Variants in DNAH11 observed in about 807,000 individuals in gnomAD.
DNAH11 encodes the protein axonemal beta dynein heavy chain 11.
A neutral mutation model predicts 526.0 loss-of-function variants in DNAH11; 442 were observed. The ratio of observed to expected loss-of-function variants is 0.84; its 90% CI spans 0.78 to 0.91. The LOEUF is 0.91. DNAH11 is among the 40% of genes least tolerant of loss of function. The probability of loss-of-function intolerance (pLI) is 0.00; values close to 1 mark genes in which losing one functional copy is unlikely to be tolerated. For missense variants in DNAH11, 6,989 were observed against 5,448.7 expected (o/e 1.28, Z -8.90); for synonymous variants, 2,461 against 1,935.9 (o/e 1.27, Z -7.12).
rs1789289993 is a variant in DNAH11, at chr7:21,806,967, T to G, written c.10166-916T>G. Among the ~76,000 whole-genome samples, 4 of 152,220 alleles carry G rather than the reference T, an allele frequency of 2.6e-5. No individual in the cohort carries two copies. In the South Asian group the frequency reaches 6.2e-4, roughly 24 times the overall value. ...TAGCTTCCTCCACTGATTTAATGAT[T>G]ATATTAGAAAACTAACCTGAGTTTA... On this transcript the variant is annotated intron_variant, in intron 62 of 81. Transcript: ENST00000409508.
chr7:21,834,200 G>A (rs1279930116), intron 65 of DNAH11, among the ~76,000 whole-genome samples: 1 of 152,010 alleles, frequency 6.6e-6, no homozygotes, highest in Non-Finnish European at 1.5e-5. Flanking sequence ...AATAACAGGA[G>A]AAACTTTGGA....
chr7:21,586,800 C>T lies in DNAH11; in HGVS notation c.1711-1264C>T, dbSNP rs191329484. ...TCAGAGAAAATACCTATATGACAGG[C>T]TTAATAACTAACATATTATAAAGCC... On this transcript the variant is annotated intron_variant, in intron 9 of 81. Transcript: ENST00000409508. 4.9e-4 allele frequency among the ~76,000 whole-genome samples: 75 copies of T among 152,218 alleles called. 1 individual carries two copies. The highest frequency in any genetic ancestry group is 2.6e-3 in the Admixed American group (40 of 15,296).
At chr7:21,658,660 C>A in intron 29 of DNAH11, 138 bp from the exon 30 acceptor site, 1 of 620,542 alleles carries the variant, frequency 1.6e-6, no homozygotes, top group Non-Finnish European at 2.7e-6. Context: ...TGAGTTATGC[C>A]TCTTGCAGTT....
At chr7:21,594,459 C>T (rs890782214) in intron 14 of DNAH11, among the ~76,000 whole-genome samples, 1 of 152,084 alleles carries the variant, frequency 6.6e-6, no homozygotes, top group Admixed American at 6.5e-5. Flanking sequence ...AGACAATAAG[C>T]AGTGACATAG....
At chr7:21,622,982 C>T in intron 25 of DNAH11, among the ~76,000 whole-genome samples, 1 of 152,160 alleles carries the variant, frequency 6.6e-6, no homozygotes, top group Non-Finnish European at 1.5e-5. Flanking sequence ...TCTAATTAAA[C>T]TGAAGAGCTT....
intron 28 of DNAH11, among the ~76,000 whole-genome samples, chr7:21,648,036 T>C (rs563878879): frequency 2.0e-5 from 3 of 152,270 alleles, no homozygotes; most frequent in East Asian, 1.9e-4. Context: ...CATTAGAAGA[T>C]GGAATGGTAC....
Position 21,617,617 on chromosome 7 carries a change from A to G in DNAH11, c.4096-2A>G, listed in dbSNP as rs1369201943. The G allele has an allele frequency of 6.2e-7, 1 of 1,613,596 alleles. No homozygotes were observed. Among genetic ancestry groups the G allele is most frequent in the African/African-American group, 1.3e-5 (1 of 75,034 alleles). On this transcript the variant is annotated splice_acceptor_variant, in intron 22 of 81. Coordinates refer to ENST00000409508, the MANE Select transcript of DNAH11 (RefSeq NM_001277115.2). LOFTEE classifies it high-confidence loss of function. ...TAGGTTTTTTCCTCCACTTTTCTTT[A>G]GGAAATTTGGTCACTCAACAAGGAA...
At position 21,752,303 on chromosome 7, in the gene DNAH11, C is replaced by T. The variant is rs78039848; in HGVS notation, c.8940+1939C>T. Among the ~76,000 whole-genome samples the T allele has an allele frequency of 1.0e-2, 1,516 of 152,310 alleles. 29 individuals carry two copies. The highest frequency in any genetic ancestry group is 0.034 in the African/African-American group (1,420 of 41,566). On this transcript the variant is annotated intron_variant, in intron 54 of 81. Transcript: ENST00000409508. ...ACATGCCTTCAAATTTTTAGATGCT[C>T]TTCTTACTTACAGGTGACATCTAGA... is the stretch of plus-strand genomic sequence containing the variant.
Position 21,638,958 on chromosome 7 carries a change from G to T in DNAH11, c.4837G>T (p.Ala1613Ser). 3.1e-6 allele frequency: 5 copies of T among 1,610,890 alleles called. No individual in the cohort carries two copies. Among genetic ancestry groups the T allele is most frequent in the South Asian group, 1.1e-5 (1 of 90,162 alleles). ...LQSRLSLCEKALAEYLETKRI... is the reference protein window; with the variant it reads ...LQSRLSLCEKSLAEYLETKRI... ...ATGTAGGCTTTCTCTTTGTGAAAAA[G>T]CTCTCGCTGAATACCTGGAAACCAA... The change falls in exon 28 of 82, where the codon GCT becomes TCT. Residue 1613 changes from alanine (A) to serine (S), a missense_variant. Physicochemically the swap from Ala to Ser is moderately conservative, Grantham distance 99. Transcript: ENST00000409508.
At chr7:21,855,284 G>A (rs1782800179) in intron 68 of DNAH11, among the ~76,000 whole-genome samples, 1 of 152,128 alleles carries the variant, frequency 6.6e-6, no homozygotes. Flanking sequence ...GCCCGCCTCA[G>A]CCTCCCAAAG....
At chr7:21,667,956 C>T (rs1459474737) in intron 30 of DNAH11, among the ~76,000 whole-genome samples, 1 of 152,046 alleles carries the variant, frequency 6.6e-6, no homozygotes, top group Non-Finnish European at 1.5e-5. Context: ...CTAAATAGGA[C>T]CCTGTTTCAA....
chr7:21,655,423 A>G (rs1300132750), intron 28 of DNAH11, among the ~76,000 whole-genome samples: 1 of 152,152 alleles, frequency 6.6e-6, no homozygotes, highest in Non-Finnish European at 1.5e-5. Flanking sequence ...TCTAATTGAC[A>G]TTTTTCATTT....
chr7:21,631,409 A>T (rs1371953907), intron 25 of DNAH11, among the ~76,000 whole-genome samples: 3 of 152,176 alleles, frequency 2.0e-5, no homozygotes, highest in African/African-American at 7.2e-5. Flanking sequence ...CATTAACTCA[A>T]GAGTCCACAG....
rs753701305 is a variant in DNAH11, at chr7:21,588,130, A to G, written c.1777A>G (p.Ser593Gly). The G allele has an allele frequency of 3.1e-6, 5 of 1,613,316 alleles. No homozygotes were observed. In the African/African-American group the frequency reaches 6.7e-5, roughly 22 times the overall value. ...VVMEIFSLHY[S>G]TLVHMFNTEL... ...CATGGAAATTTTCAGCCTACATTAC[A>G]GCACACTAGTGCATATGTTTAATAC... is the stretch of plus-strand genomic sequence containing the variant. The change falls in exon 10 of 82, where the codon AGC becomes GGC. Residue 593 changes from serine to glycine, a missense_variant. Physicochemically the swap from Ser to Gly is moderately conservative, Grantham distance 56. Transcript: ENST00000409508.
At chr7:21,606,963 T>C (rs1003662264) in intron 20 of DNAH11, among the ~76,000 whole-genome samples, 1 of 152,140 alleles carries the variant, frequency 6.6e-6, no homozygotes, top group African/African-American at 2.4e-5. Context: ...GGGACAGGAC[T>C]AGTAGGATAG....
At chr7:21,684,879 T>A (rs973833849) in intron 32 of DNAH11, among the ~76,000 whole-genome samples, 1 of 152,254 alleles carries the variant, frequency 6.6e-6, no homozygotes, top group African/African-American at 2.4e-5. Flanking sequence ...AGACAGCACA[T>A]TTAATCTTTG....
At chr7:21,745,172 T>C (rs1304132532) in intron 51 of DNAH11, 109 bp downstream of exon 51, 7 of 1,118,112 alleles carry the variant, frequency 6.3e-6, no homozygotes, top group African/African-American at 3.2e-5. Flanking sequence ...TCAGTTCTTA[T>C]CTGCTGTTTG....
chr7:21,770,613 G>A (rs1787396877), intron 55 of DNAH11, among the ~76,000 whole-genome samples: 1 of 152,120 alleles, frequency 6.6e-6, no homozygotes, highest in African/African-American at 2.4e-5. Context: ...CGCTGGTAAG[G>A]GGTACATCTG....
chr7:21,741,841 C>T (rs1785912270), intron 48 of DNAH11, 86 bp from the exon 49 acceptor site: 2 of 1,458,794 alleles, frequency 1.4e-6, no homozygotes, highest in East Asian at 4.7e-5. Flanking sequence ...GGCCTGGATA[C>T]AGGGAGGAGT....
Sources: allele counts gnomAD v4.1 joint callset (sites outside exome capture counted in the v4.1 genomes callset), GRCh38; gene constraint gnomAD v4.1.1; transcripts MANE v1.5; gene names NCBI Gene and HGNC (gene_info 2026-07-23, HGNC 2026-07-21).